MAGI1: variants seen among roughly 807,000 people sequenced by gnomAD.
MAGI1 encodes the protein membrane associated guanylate kinase, WW and PDZ domain containing 1.
Under a neutral mutation model 139.9 loss-of-function variants are expected in MAGI1, and 58 were observed. The ratio of observed to expected loss-of-function variants is 0.41; its 90% CI spans 0.34 to 0.52. The LOEUF (loss-of-function observed/expected upper bound fraction) is 0.52, where lower values mean the gene tolerates loss of function less well. MAGI1 is among the 20% of genes least tolerant of loss of function. The pLI is 0.12. For missense variants in MAGI1, 1,874 were observed against 1,901.6 expected, an observed-to-expected ratio of 0.99 and a Z score of 0.27; for synonymous variants, 812 against 737.9, an observed-to-expected ratio of 1.10 and a Z score of -1.63.
At chr3:65,541,778 A>T (rs1254884425) in intron 2 of MAGI1, among the ~76,000 whole-genome samples, 2 of 152,214 alleles carry the variant, frequency 1.3e-5, no homozygotes, top group South Asian at 2.1e-4. Context: ...TCTCAAAATA[A>T]TAAGAGCTAT....
chr3:65,421,779 G>C (rs1946645234), intron 12 of MAGI1, among the ~76,000 whole-genome samples: 1 of 152,154 alleles, frequency 6.6e-6, no homozygotes, highest in Non-Finnish European at 1.5e-5. Flanking sequence ...TGCCAGGATT[G>C]AGAAAGTGGA....
At chr3:65,751,623 C>T (rs2036161657) in intron 1 of MAGI1, among the ~76,000 whole-genome samples, 1 of 152,178 alleles carries the variant, frequency 6.6e-6, no homozygotes, top group Non-Finnish European at 1.5e-5. Context: ...ATGACAAAGG[C>T]AGTTTCCAAA....
chr3:65,483,170 G>A (rs1482190277), intron 3 of MAGI1, among the ~76,000 whole-genome samples: 11 of 152,300 alleles, frequency 7.2e-5, no homozygotes, highest in Admixed American at 2.0e-4. Context: ...GCTTGCTTTC[G>A]GCCCTGGGCT....
At chr3:65,912,453 C>T (rs562691741) in intron 1 of MAGI1, among the ~76,000 whole-genome samples, 6 of 152,246 alleles carry the variant, frequency 3.9e-5, no homozygotes, top group African/African-American at 1.4e-4. Context: ...TGGTTAAAAG[C>T]AGCTCACATC....
intron 16 of MAGI1, among the ~76,000 whole-genome samples, chr3:65,380,080 G>C (rs1942918000): frequency 6.6e-6 from 1 of 152,222 alleles, no homozygotes; most frequent in African/African-American, 2.4e-5. Context: ...TGGGGTTCAT[G>C]ACAACACCTG....
rs541088051 is a variant in MAGI1, at chr3:65,389,352, G to A, written c.2416+1790C>T. ...TCTATTAAACGGATGTTTTACAATT[G>A]TCCTGTCAACCCAGGACGCCCCCGC... On this transcript the variant is annotated intron_variant, in intron 14 of 22. Coordinates refer to ENST00000402939, the MANE Select transcript of MAGI1 (RefSeq NM_001033057.2). Among the ~76,000 whole-genome samples the A allele has an allele frequency of 3.9e-5, 6 of 152,144 alleles. No individual in the cohort carries two copies. In the East Asian group the frequency reaches 1.2e-3, roughly 29 times the overall value.
At chr3:65,441,716 G>C (rs547544834) in intron 8 of MAGI1, among the ~76,000 whole-genome samples, 1 of 152,328 alleles carries the variant, frequency 6.6e-6, no homozygotes, top group South Asian at 2.1e-4. Flanking sequence ...CTGAGGGTCA[G>C]AGGGGCAGCC....
At chr3:65,859,594 C>T (rs947155663) in intron 1 of MAGI1, among the ~76,000 whole-genome samples, 3 of 151,716 alleles carry the variant, frequency 2.0e-5, no homozygotes, top group Admixed American at 6.6e-5. Flanking sequence ...AAAAATTAGC[C>T]AGGTGAGGTG....
intron 2 of MAGI1, among the ~76,000 whole-genome samples, chr3:65,524,045 G>A (rs1401949994): frequency 6.6e-6 from 1 of 152,124 alleles, no homozygotes; most frequent in African/African-American, 2.4e-5. Context: ...AGCAGAAAGG[G>A]AAGGAAAGCA....
rs1023781174 is a variant in MAGI1 at position 65,570,735 on chromosome 3, T to C, written c.430+51237A>G. Among the ~76,000 whole-genome samples, 7 of 152,220 alleles carry C rather than the reference T, an allele frequency of 4.6e-5. No homozygotes were observed. The East Asian group carries it at 1.2e-3, about 25-fold the overall frequency. The stretch of plus-strand genomic sequence containing the variant: ...ATGGGCATCTGGGCATCTAAGTTCA[T>C]TGCACCATTCTTTTGACTTATGTGG... On this transcript the variant is annotated intron_variant, in intron 2 of 22. Coordinates refer to ENST00000402939, the MANE Select transcript of MAGI1 (RefSeq NM_001033057.2).
chr3:65,394,863 C>T (rs1944258411), intron 13 of MAGI1, among the ~76,000 whole-genome samples: 1 of 152,120 alleles, frequency 6.6e-6, no homozygotes, highest in Non-Finnish European at 1.5e-5. Context: ...AGAATACGTT[C>T]ACTTCTGAAC....
chr3:65,769,635 T>A (rs1041428795), intron 1 of MAGI1, among the ~76,000 whole-genome samples: 3 of 152,130 alleles, frequency 2.0e-5, no homozygotes, highest in Admixed American at 2.0e-4. Flanking sequence ...GAAGAAGCCA[T>A]AGCCGGGAAG....
chr3:65,528,474 A>G (rs2078490641), intron 2 of MAGI1, among the ~76,000 whole-genome samples: 1 of 152,160 alleles, frequency 6.6e-6, no homozygotes, highest in Non-Finnish European at 1.5e-5. Flanking sequence ...GTCTGTCCCC[A>G]TGGAGTGGAA....
Position 65,381,933 on chromosome 3 carries a change from T to G in MAGI1, c.2645A>C (p.Gln882Pro). Residue 882 changes from glutamine (Q) to proline (P), a missense_variant, in exon 16 of 23, where the codon CAA becomes CCA. Gln to Pro is a moderately conservative substitution (Grantham distance 76, BLOSUM62 -1). This residue lies in a region of MAGI1 where 482 missense variants were observed against 509.6 expected (regional missense o/e 0.95). Transcript: ENST00000402939. ...SHQLVVQLMQ[Q>P]AAKQGHVNLT... ...ATTGACGTGGCCTTGCTTGGCAGCT[T>G]GTTGCATAAGCTGGACCACAAGCTG... 1 of 1,614,070 alleles carries G rather than the reference T, an allele frequency of 6.2e-7. No homozygotes were observed. The highest frequency in any genetic ancestry group is 8.5e-7 in the Non-Finnish European group (1 of 1,180,012).
chr3:65,474,160 G>A (rs1182098191), intron 4 of MAGI1, among the ~76,000 whole-genome samples: 1 of 152,158 alleles, frequency 6.6e-6, no homozygotes, highest in African/African-American at 2.4e-5. Context: ...AGTTACTGGG[G>A]AGGCTGAGGT....
chr3:65,895,549 C>G (rs1403372514), intron 1 of MAGI1, among the ~76,000 whole-genome samples: 1 of 152,168 alleles, frequency 6.6e-6, no homozygotes, highest in East Asian at 1.9e-4. Flanking sequence ...TTTTTTCTTT[C>G]CAAATCCCTA....
At chr3:66,001,591 G>T (rs1273421210) in intron 1 of MAGI1, among the ~76,000 whole-genome samples, 1 of 152,152 alleles carries the variant, frequency 6.6e-6, no homozygotes, top group African/African-American at 2.4e-5. Context: ...GGGGGAAACT[G>T]AGGCTCAGAC....
At chr3:65,679,750 G>A (rs978097594) in intron 1 of MAGI1, among the ~76,000 whole-genome samples, 4 of 152,212 alleles carry the variant, frequency 2.6e-5, no homozygotes, top group Non-Finnish European at 4.4e-5. Context: ...TCCAACAGGG[G>A]TGGGGGGAAA....
chr3:66,007,891 ATTTTTTT>A (rs35578902), intron 1 of MAGI1, among the ~76,000 whole-genome samples: 7 of 122,502 alleles, frequency 5.7e-5, no homozygotes, highest in Non-Finnish European at 1.0e-4. Flanking sequence ...GGCTCCATAG[ATTTTTTT>A]TTTTTTTTTT....
Sources: gnomAD v4.1 joint callset for allele counts (sites outside exome capture counted in the v4.1 genomes callset) on GRCh38, gnomAD v4.1.1 for gene constraint, gnomAD v4.1.1 regional missense constraint, MANE v1.5 for transcripts, NCBI Gene and HGNC (gene_info 2026-07-23, HGNC 2026-07-21) for gene names.